The following SLC2A12 variants were observed in gnomAD, a reference collection of about 807,000 sequenced individuals.
SLC2A12 encodes the protein solute carrier family 2, facilitated glucose transporter member 12.
Under a neutral mutation model 41.8 loss-of-function variants are expected in SLC2A12, and 23 were observed. That is an observed-to-expected ratio of 0.55 (90% CI 0.40 to 0.78). The LOEUF (loss-of-function observed/expected upper bound fraction) is 0.78. Among genes scored for constraint, SLC2A12 ranks in the 30% least tolerant of loss-of-function variants. The pLI is 0.00. For missense variants in SLC2A12, 654 were observed against 745.6 expected, an observed-to-expected ratio of 0.88 and a Z score of 1.43; for synonymous variants, 295 against 285.9, an observed-to-expected ratio of 1.03 and a Z score of -0.32.
chr6:134,029,356 C>T lies in SLC2A12; in HGVS notation c.469G>A (p.Glu157Lys), dbSNP rs1777164169. 2 of 1,614,078 alleles carry T rather than the reference C, an allele frequency of 1.2e-6. No homozygotes were observed. The highest frequency in any genetic ancestry group is 1.7e-6 in the Non-Finnish European group (2 of 1,180,052). Reference protein sequence around the residue: ...SSIATCVYIAEIAPQHRRGLL... With the variant: ...SSIATCVYIAKIAPQHRRGLL... ...CCTCTTCTGTGTTGAGGAGCAATCT[C>T]TGCGATGTAAACACAAGTGGCAATG... Residue 157 changes from glutamate (E) to lysine (K), a missense_variant, in exon 2 of 5, where the codon GAG (glutamate) becomes AAG (lysine). Coordinates refer to ENST00000275230, the MANE Select transcript of SLC2A12 (RefSeq NM_145176.3).
intron 1 of SLC2A12, among the ~76,000 whole-genome samples, chr6:134,040,061 T>TG (rs201734003): frequency 0.014 from 1,989 of 146,960 alleles, 41 homozygotes; most frequent in African/African-American, 0.049. Flanking sequence ...GTTTTTTGTT[T>TG]TTTTTTTTTT....
intron 2 of SLC2A12, among the ~76,000 whole-genome samples, chr6:134,012,321 A>G (rs1460726122): frequency 6.6e-6 from 1 of 152,188 alleles, no homozygotes; most frequent in Non-Finnish European, 1.5e-5. Context: ...TGATTTTTCA[A>G]AAAAATATAC....
rs1399292171 is a variant in SLC2A12 at position 134,032,433 on chromosome 6, T to C, written c.104-2712A>G. Among the ~76,000 whole-genome samples, 9 of 36,514 alleles carry C rather than the reference T, an allele frequency of 2.5e-4. 2 individuals carry two copies. In the East Asian group the frequency reaches 3.3e-3, roughly 13 times the overall value. The allele number at this position is 36,514 out of a possible 152,430, so 24.0% of individuals were successfully genotyped here. Reference sequence around the variant, plus strand: ...ATATATATATATATATATTTATATATATATATATATATATAAATATATATA... The same window carrying C: ...ATATATATATATATATATTTATATACATATATATATATATAAATATATATA... On this transcript the variant is annotated intron_variant, in intron 1 of 4. Coordinates refer to ENST00000275230, the MANE Select transcript of SLC2A12 (RefSeq NM_145176.3).
chr6:134,035,151 CAAAAAAA>C (rs71003662), intron 1 of SLC2A12, among the ~76,000 whole-genome samples: 10,515 of 107,826 alleles, frequency 0.098, 920 homozygotes, highest in African/African-American at 0.26. Flanking sequence ...GGCTGCCTGA[CAAAAAAA>C]AAAAAAAAAA....
At chr6:134,049,063 C>T (rs1384373441) in intron 1 of SLC2A12, among the ~76,000 whole-genome samples, 2 of 152,202 alleles carry the variant, frequency 1.3e-5, no homozygotes, top group Non-Finnish European at 2.9e-5. Context: ...ATACTCACCA[C>T]CTGCCCAGCT....
intron 2 of SLC2A12, among the ~76,000 whole-genome samples, chr6:134,017,121 TTAAAA>T (rs1456536170): frequency 1.3e-5 from 2 of 152,330 alleles, no homozygotes; most frequent in South Asian, 2.1e-4. Context: ...ATGGAAAAAC[TTAAAA>T]TAAATTTTGT....
intron 2 of SLC2A12, among the ~76,000 whole-genome samples, chr6:134,011,008 C>T (rs1184375586): frequency 2.0e-5 from 3 of 152,120 alleles, no homozygotes; most frequent in Admixed American, 2.0e-4. Context: ...TCCTAAACCA[C>T]CTGGCATGCT....
chr6:134,009,667 T>TAAATA (rs77349912), intron 2 of SLC2A12, among the ~76,000 whole-genome samples: 22,434 of 148,742 alleles, frequency 0.15, 2,003 homozygotes, highest in South Asian at 0.24. Context: ...CTTAAAATAA[T>TAAATA]AAATAAAATA....
intron 2 of SLC2A12, among the ~76,000 whole-genome samples, chr6:134,007,810 A>G (rs940578668): frequency 6.6e-6 from 1 of 152,184 alleles, no homozygotes; most frequent in Non-Finnish European, 1.5e-5. Context: ...CAAGGTGGGA[A>G]CTATTACGAA....
intron 4 of SLC2A12, among the ~76,000 whole-genome samples, chr6:133,995,735 C>T (rs1776679653): frequency 6.6e-6 from 1 of 152,156 alleles, no homozygotes; most frequent in Admixed American, 6.5e-5. Context: ...ATGTCACTGC[C>T]CTGCTTAAAA....
chr6:133,994,659 C>T (rs1187868754), intron 4 of SLC2A12, among the ~76,000 whole-genome samples: 1 of 152,094 alleles, frequency 6.6e-6, no homozygotes, highest in East Asian at 1.9e-4. Flanking sequence ...ACCTGGGAGG[C>T]AGAGCTTGCA....
At chr6:134,047,274 C>A (rs1038410764) in intron 1 of SLC2A12, among the ~76,000 whole-genome samples, 5 of 152,148 alleles carry the variant, frequency 3.3e-5, no homozygotes, top group Admixed American at 3.3e-4. Context: ...TCTTATATAA[C>A]CCGTTCTTGC....
rs752970288 is a variant in SLC2A12 at position 134,028,441 on chromosome 6, A to G, written c.1384T>C (p.Trp462Arg). 6.2e-7 allele frequency: 1 copy of G among 1,614,202 alleles called. No homozygotes were observed. Among genetic ancestry groups the G allele is most frequent in the Non-Finnish European group, 8.5e-7 (1 of 1,180,024 alleles). Residue 462 changes from tryptophan to arginine, a missense_variant, in exon 2 of 5, where the codon TGG becomes CGG. Transcript: ENST00000275230. ...DPGDVPAFLK[W>R]LSLASLLVYV... ...ACAAGCAAGCTGGCTAAGGACAGCC[A>G]TTTCAAAAAAGCTGGGACGTCCCCA...
rs1777173217 is a variant in SLC2A12 at position 134,029,645 on chromosome 6, G to T, written c.180C>A (p.Ile60=). 3 of 1,613,240 alleles carry T rather than the reference G, an allele frequency of 1.9e-6. No homozygotes were observed. Among genetic ancestry groups the T allele is most frequent in the Non-Finnish European group, 2.5e-6 (3 of 1,179,994 alleles). Residue 60 remains isoleucine, a synonymous_variant, in exon 2 of 5, where the codon ATC becomes ATA. Coordinates refer to ENST00000275230, the MANE Select transcript of SLC2A12 (RefSeq NM_145176.3). Reference sequence around the variant, plus strand: ...TGATCTGAAGAAGAGCCCCAGAGATGATCCCAAGTTCATAACCCACCAGGA... The same window carrying T: ...TGATCTGAAGAAGAGCCCCAGAGATTATCCCAAGTTCATAACCCACCAGGA... ...SGLLVGYELG[I]ISGALLQIKT...
Position 134,029,008 on chromosome 6 carries a change from C to A in SLC2A12, c.817G>T (p.Asp273Tyr). 2 of 1,614,208 alleles carry A rather than the reference C, an allele frequency of 1.2e-6. No homozygotes were observed. Among genetic ancestry groups the A allele is most frequent in the Non-Finnish European group, 1.7e-6 (2 of 1,180,032 alleles). Residue 273 changes from aspartate (D) to tyrosine (Y), a missense_variant, in exon 2 of 5, where the codon GAC becomes TAC. Transcript: ENST00000275230. ...YSFWDLFRSK[D>Y]NMRTRIMIGL... ...ATCATTATTCGGGTCCGCATGTTGT[C>A]TTTTGAACGAAACAGATCCCAAAAA...
intron 2 of SLC2A12, among the ~76,000 whole-genome samples, chr6:134,007,707 A>C (rs1477465134): frequency 6.6e-6 from 1 of 152,324 alleles, no homozygotes; most frequent in African/African-American, 2.4e-5. Flanking sequence ...TATCAAGCCC[A>C]GTTTGCCTAA....
chr6:133,993,175 G>C (rs73550526), intron 4 of SLC2A12, among the ~76,000 whole-genome samples: 5,111 of 152,102 alleles, frequency 0.034, 287 homozygotes, highest in African/African-American at 0.12. Flanking sequence ...TTCTCTCTCT[G>C]TTCTCTGACC....
At chr6:133,999,439 T>C (rs778702301) in intron 4 of SLC2A12, among the ~76,000 whole-genome samples, 27 of 152,232 alleles carry the variant, frequency 1.8e-4, no homozygotes, top group Non-Finnish European at 3.1e-4. Flanking sequence ...TCACCTGTTG[T>C]ATCTAGGCTG....
In SLC2A12 at chr6:134,022,544, A is replaced by AAAAGAAAAG. The variant is rs1777056263; in HGVS notation, c.1444+5828_1444+5836dup. Among the ~76,000 whole-genome samples, 3 of 24,994 alleles carry AAAAGAAAAG rather than the reference A, an allele frequency of 1.2e-4. No individual in the cohort carries two copies. The East Asian group carries it at 3.6e-3, about 30-fold the overall frequency. The allele number at this position is 24,994 out of a possible 152,430, so 16.4% of individuals were successfully genotyped here. On this transcript the variant is annotated intron_variant, in intron 2 of 4. Coordinates refer to ENST00000275230, the MANE Select transcript of SLC2A12 (RefSeq NM_145176.3). ...GAAACTCCATCTCAAAAAAGAAAAG[A>AAAAGAAAAG]AAAGAAAAGAAAAGAAAAGAAAAGA...
Sources: gnomAD v4.1 joint callset for allele counts (sites outside exome capture counted in the v4.1 genomes callset) on GRCh38, gnomAD v4.1.1 for gene constraint, MANE v1.5 for transcripts, NCBI Gene and HGNC (gene_info 2026-07-23, HGNC 2026-07-21) for gene names.